CDH9: variants seen among roughly 807,000 people sequenced by gnomAD.
The protein encoded by CDH9 is cadherin-9.
CDH9 carries 28 observed loss-of-function variants against 70.9 expected under a neutral mutation model. The ratio of observed to expected loss-of-function variants is 0.40; its 90% CI spans 0.29 to 0.54. The LOEUF is 0.54. Among genes scored for constraint, CDH9 ranks in the 20% least tolerant of loss-of-function variants. The pLI is 0.59. For missense variants in CDH9, 874 were observed against 984.4 expected, an observed-to-expected ratio of 0.89 and a Z score of 1.50; for synonymous variants, 409 against 343.1, an observed-to-expected ratio of 1.19 and a Z score of -2.12.
chr5:26,977,060 A>G (rs1298124971), intron 2 of CDH9, among the ~76,000 whole-genome samples: 1 of 152,066 alleles, frequency 6.6e-6, no homozygotes, highest in Non-Finnish European at 1.5e-5. Flanking sequence ...AATAATTTTA[A>G]CAATAGAATT....
chr5:27,003,304 A>T (rs1203721200), intron 1 of CDH9, among the ~76,000 whole-genome samples: 4 of 152,134 alleles, frequency 2.6e-5, no homozygotes, highest in Admixed American at 1.3e-4. Flanking sequence ...GGGCAAGGAG[A>T]TAATTTCTCT....
At chr5:26,993,297 A>T (rs2112097084) in intron 1 of CDH9, among the ~76,000 whole-genome samples, 1 of 152,292 alleles carries the variant, frequency 6.6e-6, no homozygotes. Flanking sequence ...TGTTTTACAG[A>T]ATGTAGAATT....
intron 2 of CDH9, among the ~76,000 whole-genome samples, chr5:26,980,426 G>T (rs894385299): frequency 1.3e-5 from 2 of 151,708 alleles, no homozygotes; most frequent in Non-Finnish European, 2.9e-5. Context: ...ATACTCAATT[G>T]TCTATCTAAA....
At chr5:26,955,548 C>G (rs1741931486) in intron 2 of CDH9, among the ~76,000 whole-genome samples, 1 of 150,994 alleles carries the variant, frequency 6.6e-6, no homozygotes, top group Non-Finnish European at 1.5e-5. Context: ...CGTGATATCT[C>G]TCAGATGTTT....
At chr5:26,955,010 G>C (rs1187332839) in intron 2 of CDH9, among the ~76,000 whole-genome samples, 1 of 151,960 alleles carries the variant, frequency 6.6e-6, no homozygotes, top group Non-Finnish European at 1.5e-5. Context: ...ACACCAGCCT[G>C]GCAACAGAAT....
chr5:26,918,530 A>C (rs1217111178), intron 2 of CDH9, among the ~76,000 whole-genome samples: 1 of 152,228 alleles, frequency 6.6e-6, no homozygotes, highest in African/African-American at 2.4e-5. Context: ...TTTCACATAA[A>C]ATCAGATCAT....
chr5:26,893,630 TA>T (rs1173592513), intron 7 of CDH9, among the ~76,000 whole-genome samples: 2 of 151,966 alleles, frequency 1.3e-5, no homozygotes, highest in Admixed American at 1.3e-4. Context: ...AAAGGAGAAA[TA>T]GAAACCTAGA....
At chr5:26,902,353 G>A in intron 7 of CDH9, 123 bp downstream of exon 7, 1 of 636,572 alleles carries the variant, frequency 1.6e-6, no homozygotes, top group East Asian at 2.7e-5. Context: ...TTTGTAAATA[G>A]TGAGATTATT....
chr5:27,018,830 A>G (rs1277222849), intron 1 of CDH9, among the ~76,000 whole-genome samples: 1 of 152,012 alleles, frequency 6.6e-6, no homozygotes, highest in African/African-American at 2.4e-5. Context: ...GAGGACTCCT[A>G]GATGTCCAGC....
chr5:26,987,606 T>C (rs1742509813), intron 2 of CDH9, among the ~76,000 whole-genome samples: 1 of 152,068 alleles, frequency 6.6e-6, no homozygotes, highest in Non-Finnish European at 1.5e-5. Flanking sequence ...ACACAGAAGC[T>C]TATCTTCTTA....
At chr5:26,940,442 A>T (rs1438420690) in intron 2 of CDH9, among the ~76,000 whole-genome samples, 1 of 152,194 alleles carries the variant, frequency 6.6e-6, no homozygotes, top group African/African-American at 2.4e-5. Context: ...AAAACTAGAT[A>T]TTTGAAGAAT....
chr5:26,883,091 A>ATG (rs1561181251), intron 11 of CDH9, among the ~76,000 whole-genome samples: 4 of 126,640 alleles, frequency 3.2e-5, no homozygotes, highest in Non-Finnish European at 6.6e-5. Context: ...ATATATATAT[A>ATG]TATAAAACTG....
chr5:26,959,873 A>T (rs1742005329), intron 2 of CDH9, among the ~76,000 whole-genome samples: 1 of 149,534 alleles, frequency 6.7e-6, no homozygotes, highest in African/African-American at 2.4e-5. Flanking sequence ...GAACTGGGGT[A>T]CTAGGGCATG....
At chr5:26,992,191 T>C (rs988339098) in intron 1 of CDH9, among the ~76,000 whole-genome samples, 1 of 152,128 alleles carries the variant, frequency 6.6e-6, no homozygotes, top group African/African-American at 2.4e-5. Context: ...CAGGTGGTAA[T>C]GCTCTCCTGC....
chr5:26,971,682 T>A (rs1449007935), intron 2 of CDH9, among the ~76,000 whole-genome samples: 1 of 152,190 alleles, frequency 6.6e-6, no homozygotes, highest in Admixed American at 6.5e-5. Flanking sequence ...TGTGTATACA[T>A]GCCTGCAGCA....
intron 2 of CDH9, among the ~76,000 whole-genome samples, chr5:26,983,676 C>G (rs535975995): frequency 3.2e-4 from 49 of 152,198 alleles, no homozygotes; most frequent in Non-Finnish European, 5.3e-4. Flanking sequence ...AAAGCAGCTG[C>G]TCCATGTACT....
Position 26,928,517 on chromosome 5 carries a change from G to A in CDH9, c.229-12593C>T, listed in dbSNP as rs563827731. ...ATCTTAAAATTTTTATGGACTCACA[G>A]AAGACCTAGAGTAGCCAAAGTTATC... On this transcript the variant is annotated intron_variant, in intron 2 of 11. Transcript: ENST00000231021. Among the ~76,000 whole-genome samples the A allele has an allele frequency of 3.3e-5, 5 of 152,028 alleles. No homozygotes were observed. In the South Asian group the frequency reaches 1.0e-3, roughly 32 times the overall value.
chr5:27,001,861 CTCT>C (rs1165703903), intron 1 of CDH9, among the ~76,000 whole-genome samples: 2 of 151,840 alleles, frequency 1.3e-5, no homozygotes, highest in Non-Finnish European at 2.9e-5. Context: ...CTCTCTCTCT[CTCT>C]CTCTCTCTCT....
chr5:26,996,565 C>T (rs952448627), intron 1 of CDH9, among the ~76,000 whole-genome samples: 1 of 151,824 alleles, frequency 6.6e-6, no homozygotes, highest in Non-Finnish European at 1.5e-5. Flanking sequence ...ATATAAGTGA[C>T]ACCAAAATGA....
Sources: allele counts gnomAD v4.1 joint callset (sites outside exome capture counted in the v4.1 genomes callset), GRCh38; gene constraint gnomAD v4.1.1; transcripts MANE v1.5; gene names NCBI Gene and HGNC (gene_info 2026-07-23, HGNC 2026-07-21).